Variants in PITPNM2 observed in about 807,000 individuals in gnomAD.
PITPNM2 encodes the protein membrane-associated phosphatidylinositol transfer protein 2.
A neutral mutation model predicts 132.2 loss-of-function variants in PITPNM2; 35 were observed. The ratio of observed to expected loss-of-function variants is 0.26; its 90% CI spans 0.20 to 0.35. The LOEUF is 0.35. PITPNM2 is among the 10% of genes least tolerant of loss of function. The probability of loss-of-function intolerance (pLI) is 1.00; values close to 1 mark genes in which losing one functional copy is unlikely to be tolerated. For missense variants in PITPNM2, 1,332 were observed against 1,912.0 expected (o/e 0.70, Z 5.66); for synonymous variants, 738 against 799.2 (o/e 0.92, Z 1.29).
chr12:123,143,136 C>T (rs1324527661), intron 1 of PITPNM2, among the ~76,000 whole-genome samples: 4 of 144,278 alleles, frequency 2.8e-5, no homozygotes, highest in Non-Finnish European at 6.1e-5. Flanking sequence ...CCCCCTCCCT[C>T]GATCCCTCCC....
In PITPNM2 at chr12:122,988,704, A is replaced by G; in HGVS notation, c.2880+20T>C. 1 of 1,548,054 alleles carries G rather than the reference A, an allele frequency of 6.5e-7. No individual in the cohort carries two copies. Among genetic ancestry groups the G allele is most frequent in the Non-Finnish European group, 8.7e-7 (1 of 1,145,004 alleles). Reference sequence around the variant, plus strand: ...TGTTGTCACTCAGGGCCCTCCTGGGAGGTCCCAGGCCCCGGGTACCTGTCT... The same window carrying G: ...TGTTGTCACTCAGGGCCCTCCTGGGGGGTCCCAGGCCCCGGGTACCTGTCT... On this transcript the variant is annotated intron_variant, in intron 19 of 25. Transcript: ENST00000320201.
intron 16 of PITPNM2, among the ~76,000 whole-genome samples, chr12:122,991,222 T>C (rs538822769): frequency 3.4e-4 from 52 of 152,288 alleles, no homozygotes; most frequent in Admixed American, 3.0e-3. Flanking sequence ...TGATGGGCGT[T>C]TGGGGACAAA....
intron 2 of PITPNM2, among the ~76,000 whole-genome samples, chr12:123,109,860 A>C (rs2042799862): frequency 6.6e-6 from 1 of 152,260 alleles, no homozygotes; most frequent in African/African-American, 2.4e-5. Context: ...TACCAGAGGC[A>C]GAACATCGGT....
In PITPNM2 at chr12:122,987,970, G is replaced by C. The variant is rs369436061; in HGVS notation, c.2998-69C>G. 9.4e-5 allele frequency: 131 copies of C among 1,386,378 alleles called. No homozygotes were observed. The Middle Eastern group carries it at 1.5e-3, about 16-fold the overall frequency. The allele number at this position is 1,386,378 out of a possible 1,614,324, so 85.9% of individuals were successfully genotyped here. A position where few individuals can be genotyped will look rare whatever the true frequency, so the allele number is the denominator to read the frequency against. On this transcript the variant is annotated intron_variant, in intron 20 of 25. Coordinates refer to ENST00000320201, the MANE Select transcript of PITPNM2 (RefSeq NM_020845.3). ...CCCCGGGTCCCTGTGTTCTGCTCAA[G>C]CTCTGTGGGCCTGAGGGGCAGGCTT...
In PITPNM2 at chr12:123,078,321, G is replaced by C. The variant is rs1263234363; in HGVS notation, c.-96+32064C>G. ...CAGGGTCCAGGTGGCCAGGCGGGGA[G>C]GGGTACCGGCCAGACCGGTGGGCAA... On this transcript the variant is annotated intron_variant, in intron 2 of 25. Transcript: ENST00000320201. The surrounding 1 kb of genome is among the most constrained non-coding windows in gnomAD (Gnocchi z 7.3). 6.6e-6 allele frequency among the ~76,000 whole-genome samples: 1 copy of C among 152,172 alleles called. No homozygotes were observed. Among genetic ancestry groups the C allele is most frequent in the Admixed American group, 6.5e-5 (1 of 15,276 alleles).
Position 123,034,637 on chromosome 12 carries a change from T to G in PITPNM2, c.-47A>C. ...TCGATGGGGAACTGCAAGTTGGGACTTCTAGGCAAGGTTCCTTAAATAACC... is the reference window on the plus strand; with the variant it reads ...TCGATGGGGAACTGCAAGTTGGGACGTCTAGGCAAGGTTCCTTAAATAACC... On this transcript the variant is annotated 5_prime_UTR_variant, in exon 3 of 26. Coordinates refer to ENST00000320201, the MANE Select transcript of PITPNM2 (RefSeq NM_020845.3). 4 of 1,555,870 alleles carry G rather than the reference T, an allele frequency of 2.6e-6. No individual in the cohort carries two copies. Among genetic ancestry groups the G allele is most frequent in the Non-Finnish European group, 3.5e-6 (4 of 1,126,848 alleles).
At chr12:123,041,222 C>T (rs1046614277) in intron 2 of PITPNM2, among the ~76,000 whole-genome samples, 3 of 152,208 alleles carry the variant, frequency 2.0e-5, no homozygotes, top group Non-Finnish European at 2.9e-5. Flanking sequence ...ACATGAAGTG[C>T]TCAGCCCTGT....
At chr12:123,061,652 C>T (rs2041237169) in intron 2 of PITPNM2, among the ~76,000 whole-genome samples, 1 of 152,188 alleles carries the variant, frequency 6.6e-6, no homozygotes, top group Non-Finnish European at 1.5e-5. Context: ...ATGCGTCTCA[C>T]AGGAAATGGG....
chr12:123,032,004 C>T (rs1310482111), intron 3 of PITPNM2, among the ~76,000 whole-genome samples: 1 of 152,160 alleles, frequency 6.6e-6, no homozygotes, highest in Non-Finnish European at 1.5e-5. Context: ...ATCTGCAAGG[C>T]GGGAGATGTT....
rs184133023 is a variant in PITPNM2, at chr12:123,022,985, G to A, written c.79-8943C>T. The stretch of plus-strand genomic sequence containing the variant: ...GGGCTGTGCTCTGCTTGTTCTCCCA[G>A]CTCCCTGCCACAGGGGCATGACTCT... On this transcript the variant is annotated intron_variant, in intron 3 of 25. Coordinates refer to ENST00000320201, the MANE Select transcript of PITPNM2 (RefSeq NM_020845.3). This position sits in a 1 kb window ranked among gnomAD's most constrained non-coding sequence, Gnocchi z 4.9. Among the ~76,000 whole-genome samples, 258 of 152,312 alleles carry A rather than the reference G, an allele frequency of 1.7e-3. No individual in the cohort carries two copies. The highest frequency in any genetic ancestry group is 3.1e-3 in the Non-Finnish European group (211 of 68,024).
Position 122,996,562 on chromosome 12 carries a change from C to G in PITPNM2, c.1678G>C (p.Asp560His). The G allele has an allele frequency of 6.2e-7, 1 of 1,613,108 alleles. No individual in the cohort carries two copies. The highest frequency in any genetic ancestry group is 8.5e-7 in the Non-Finnish European group (1 of 1,180,014). The change falls in exon 13 of 26, where the codon GAC becomes CAC. Residue 560 changes from aspartate to histidine, a missense_variant. Transcript: ENST00000320201. ...TFNGQVCLIG[D>H]CVGGILAFDA... is the part of the protein sequence containing the mutation. ...AATGCCAGGATGCCCCCGACGCAGT[C>G]CCCAATCAGGCAGACCTTGGGAGAG...
chr12:123,000,216 T>C lies in PITPNM2; in HGVS notation c.1224+562A>G, dbSNP rs2038599288. ...CAGCCCAGCTCAGCCCTGGCTCCTG[T>C]CCCAGTGCAAACAGCTCTGACGGCC... On this transcript the variant is annotated intron_variant, in intron 10 of 25. Coordinates refer to ENST00000320201, the MANE Select transcript of PITPNM2 (RefSeq NM_020845.3). The surrounding 1 kb of genome is among the most constrained non-coding windows in gnomAD (Gnocchi z 5.4). The C allele has an allele frequency of 1.0e-5, 6 of 596,648 alleles. No homozygotes were observed. In the South Asian group the frequency reaches 1.2e-4, roughly 12 times the overall value. 37.0% of individuals were successfully genotyped at this position (596,648 alleles called of 1,614,324 possible). A position where few individuals can be genotyped will look rare whatever the true frequency, so the allele number is the denominator to read the frequency against.
At chr12:123,096,849 T>C (rs957193376) in intron 2 of PITPNM2, among the ~76,000 whole-genome samples, 1 of 152,002 alleles carries the variant, frequency 6.6e-6, no homozygotes, top group Non-Finnish European at 1.5e-5. Context: ...AGGCTGGCCA[T>C]AGAATCCTCC....
In PITPNM2 at chr12:122,986,757, C is replaced by CCAGAAGCA; in HGVS notation, c.3485_3486insTGCTTCTG (p.Trp1164SerfsTer33). On this transcript the variant is annotated frameshift_variant, in exon 24 of 26. Coordinates refer to ENST00000320201, the MANE Select transcript of PITPNM2 (RefSeq NM_020845.3). LOFTEE classifies it high-confidence loss of function. ...GGAAGTTGTGCTGGGCCAGCCACGC[C>CCAGAAGCA]ACCACCCGCTGCTTCTGCATGTCGG... is the stretch of plus-strand genomic sequence containing the variant. 6.2e-7 allele frequency: 1 copy of CCAGAAGCA among 1,613,568 alleles called. No homozygotes were observed. Among genetic ancestry groups the CCAGAAGCA allele is most frequent in the Non-Finnish European group, 8.5e-7 (1 of 1,180,004 alleles).
At chr12:123,115,590 C>T (rs1305652795) in intron 1 of PITPNM2, among the ~76,000 whole-genome samples, 3 of 151,926 alleles carry the variant, frequency 2.0e-5, no homozygotes, top group African/African-American at 7.3e-5. Context: ...CATACACACA[C>T]GCATAACAAA....
At chr12:123,037,024 C>T (rs1056626688) in intron 2 of PITPNM2, among the ~76,000 whole-genome samples, 1 of 152,244 alleles carries the variant, frequency 6.6e-6, no homozygotes. Flanking sequence ...CTGTGGAGTT[C>T]TTCCCCATAC....
intron 1 of PITPNM2, among the ~76,000 whole-genome samples, chr12:123,147,011 C>G (rs998466785): frequency 6.6e-6 from 1 of 152,216 alleles, no homozygotes; most frequent in Non-Finnish European, 1.5e-5. Flanking sequence ...ACTTTAATAT[C>G]TGGACCAATT....
Position 123,050,544 on chromosome 12 carries a change from T to A in PITPNM2, c.-95-15859A>T, listed in dbSNP as rs527453731. Among the ~76,000 whole-genome samples, 23 of 152,132 alleles carry A rather than the reference T, an allele frequency of 1.5e-4. 1 individual carries two copies. The South Asian group carries it at 3.9e-3, about 26-fold the overall frequency. ...GCGTCTTAGGTCACCAATAACCAGGTCCAAATGCTTAACTCAGAAGGGAGC... is the reference window on the plus strand; with the variant it reads ...GCGTCTTAGGTCACCAATAACCAGGACCAAATGCTTAACTCAGAAGGGAGC... On this transcript the variant is annotated intron_variant, in intron 2 of 25. Coordinates refer to ENST00000320201, the MANE Select transcript of PITPNM2 (RefSeq NM_020845.3).
intron 2 of PITPNM2, among the ~76,000 whole-genome samples, chr12:123,044,161 G>C (rs561935547): frequency 2.7e-4 from 41 of 152,352 alleles, no homozygotes; most frequent in Middle Eastern, 3.4e-3. Flanking sequence ...CTTGGCCCCA[G>C]CAGTTAGGGT....
Sources: gnomAD v4.1 joint callset for allele counts (sites outside exome capture counted in the v4.1 genomes callset) on GRCh38, gnomAD v4.1.1 for gene constraint, Gnocchi (gnomAD v3.1) non-coding constraint, MANE v1.5 for transcripts, NCBI Gene and HGNC (gene_info 2026-07-23, HGNC 2026-07-21) for gene names.